Variants in PLA2G1B observed in about 807,000 individuals in gnomAD.
PLA2G1B encodes phospholipase A2.
In PLA2G1B, 12 loss-of-function variants were observed where a neutral mutation model predicts 12.5. That is an observed-to-expected ratio of 0.96 (90% CI 0.62 to 1.56). The LOEUF (loss-of-function observed/expected upper bound fraction) is 1.56. Among genes scored for constraint, PLA2G1B ranks in the 40% most tolerant of loss-of-function variants. The probability of loss-of-function intolerance (pLI) is 0.00; values close to 1 mark genes in which losing one functional copy is unlikely to be tolerated. For synonymous variants in PLA2G1B, 81 were observed against 73.4 expected (o/e 1.10, Z -0.53); for missense variants, 189 against 186.7 (o/e 1.01, Z -0.07).
At chr12:120,326,093 C>T (rs1206498749) in intron 1 of PLA2G1B, 73 bp from the exon 2 acceptor site, 4 of 1,524,412 alleles carry the variant, frequency 2.6e-6, no homozygotes, top group Non-Finnish European at 3.6e-6. Flanking sequence ...CCTGCTCCCT[C>T]GGGTCCCACG....
Position 120,322,919 on chromosome 12 carries a change from A to G in PLA2G1B, c.323-602T>C, listed in dbSNP as rs143534801. ...CTACTTTAAAGCATGTATTTTAAAA[A>G]TTATGGAACATCCTTAAATGGAATA... On this transcript the variant is annotated intron_variant, in intron 3 of 3. Transcript: ENST00000308366. Among the ~76,000 whole-genome samples, 3 of 152,292 alleles carry G rather than the reference A, an allele frequency of 2.0e-5. No individual in the cohort carries two copies. The East Asian group carries it at 5.8e-4, about 29-fold the overall frequency.
Position 120,322,257 on chromosome 12 carries a change from A to G in PLA2G1B, c.383T>C (p.Phe128Ser). 6.2e-7 allele frequency: 1 copy of G among 1,614,072 alleles called. No individual in the cohort carries two copies. The highest frequency in any genetic ancestry group is 8.5e-7 in the Non-Finnish European group (1 of 1,179,958). The change falls in exon 4 of 4, where the codon TTT (phenylalanine) becomes TCT (serine). Residue 128 changes from phenylalanine to serine, a missense_variant. Transcript: ENST00000308366. ...CNCDRNAAIC[F>S]SKAPYNKAHK... ...TGCCTTGTTATATGGAGCTTTTGAA[A>G]AGCAGATGGCAGCGTTGCGGTCGCA... is the stretch of plus-strand genomic sequence containing the variant.
intron 3 of PLA2G1B, 55 bp downstream of exon 3, chr12:120,324,879 C>T: frequency 6.3e-7 from 1 of 1,587,036 alleles, no homozygotes; most frequent in Non-Finnish European, 8.6e-7. Flanking sequence ...ATTATTTCCC[C>T]CCGGCCTACT....
intron 3 of PLA2G1B, among the ~76,000 whole-genome samples, chr12:120,323,985 G>A (rs948905043): frequency 6.6e-6 from 1 of 152,106 alleles, no homozygotes; most frequent in Non-Finnish European, 1.5e-5. Context: ...GTCAGACACT[G>A]CTCTAGATCT....
intron 2 of PLA2G1B, 27 bp from the exon 3 acceptor site, chr12:120,325,088 T>C (rs1873314402): frequency 6.8e-6 from 11 of 1,613,424 alleles, no homozygotes; most frequent in Non-Finnish European, 8.5e-6. Flanking sequence ...ACAGCTGAGA[T>C]AGGAGTAAGT....
intron 1 of PLA2G1B, 153 bp from the exon 2 acceptor site, chr12:120,326,173 G>T: frequency 1.9e-6 from 1 of 513,546 alleles, no homozygotes; most frequent in Non-Finnish European, 3.2e-6. Context: ...TAAAGTGAAA[G>T]TGGGTAGAGG....
chr12:120,327,591 G>T, intron 1 of PLA2G1B, 129 bp downstream of exon 1: 2 of 904,224 alleles, frequency 2.2e-6, no homozygotes, highest in Non-Finnish European at 3.7e-6. Flanking sequence ...AGCCCCACTG[G>T]GAACCTCGAA....
chr12:120,325,805 G>A, intron 2 of PLA2G1B, 56 bp downstream of exon 2: 1 of 1,558,380 alleles, frequency 6.4e-7, no homozygotes, highest in Non-Finnish European at 8.8e-7. Flanking sequence ...TCCTTGGCGT[G>A]TGCCCCACCC....
chr12:120,327,544 T>A (rs1481288375), intron 1 of PLA2G1B, among the ~76,000 whole-genome samples, 176 bp downstream of exon 1: 1 of 152,188 alleles, frequency 6.6e-6, no homozygotes, highest in Non-Finnish European at 1.5e-5. Context: ...GTTGAAAAAG[T>A]GCCAGCCTTG....
chr12:120,327,642 G>A, intron 1 of PLA2G1B, 78 bp downstream of exon 1: 1 of 1,388,300 alleles, frequency 7.2e-7, no homozygotes, highest in South Asian at 1.2e-5. Context: ...GCTGTGGCCT[G>A]TGGCCCCCAT....
intron 3 of PLA2G1B, among the ~76,000 whole-genome samples, chr12:120,324,544 C>T (rs1413883964): frequency 2.0e-5 from 3 of 151,944 alleles, no homozygotes; most frequent in South Asian, 4.1e-4. Flanking sequence ...GGTGCACGCT[C>T]GTAGTCCCAG....
Position 120,326,009 on chromosome 12 carries a change from C to A in PLA2G1B, c.46G>T (p.Asp16Tyr). ...LAVLLTVAAA[D>Y]SGISPRAVWQ... ...ACGGCCCGAGGGCTGATGCCGCTGT[C>A]GGCGGCGGCCACTGCAAGAAGACAT... Residue 16 changes from aspartate to tyrosine, a missense_variant, in exon 2 of 4, where the codon GAC becomes TAC. Coordinates refer to ENST00000308366, the MANE Select transcript of PLA2G1B (RefSeq NM_000928.3). The A allele has an allele frequency of 6.2e-7, 1 of 1,613,854 alleles. No homozygotes were observed. Among genetic ancestry groups the A allele is most frequent in the African/African-American group, 1.3e-5 (1 of 75,020 alleles).
chr12:120,324,842 TA>T, intron 3 of PLA2G1B, 91 bp downstream of exon 3: 1 of 1,359,910 alleles, frequency 7.4e-7, no homozygotes, highest in Non-Finnish European at 1.0e-6. Context: ...CCAAGAAAAT[TA>T]ACACTAAATC....
At chr12:120,327,396 G>A (rs1409209350) in intron 1 of PLA2G1B, among the ~76,000 whole-genome samples, 1 of 152,126 alleles carries the variant, frequency 6.6e-6, no homozygotes, top group Non-Finnish European at 1.5e-5. Flanking sequence ...GATCACTTGA[G>A]CCCACGAGTT....
In PLA2G1B at chr12:120,324,933, C is replaced by T. The variant is rs771623266; in HGVS notation, c.322+1G>A. 9.9e-6 allele frequency: 16 copies of T among 1,613,970 alleles called. No homozygotes were observed. The highest frequency in any genetic ancestry group is 1.3e-5 in the Non-Finnish European group (15 of 1,179,972). ...ATAGGTCAAGGAAGGGATAAACCTA[C>T]TGCTACAGGTGATTGCCGAGCCAGA... is the stretch of plus-strand genomic sequence containing the variant. On this transcript the variant is annotated splice_donor_variant, in intron 3 of 3. Coordinates refer to ENST00000308366, the MANE Select transcript of PLA2G1B (RefSeq NM_000928.3). LOFTEE classifies it high-confidence loss of function.
At chr12:120,323,095 G>T (rs1873269397) in intron 3 of PLA2G1B, among the ~76,000 whole-genome samples, 1 of 152,102 alleles carries the variant, frequency 6.6e-6, no homozygotes, top group Non-Finnish European at 1.5e-5. Context: ...TTCCATAATA[G>T]ATATTTATGT....
At chr12:120,327,588 C>A in intron 1 of PLA2G1B, 132 bp downstream of exon 1, 1 of 889,042 alleles carries the variant, frequency 1.1e-6, no homozygotes, top group Non-Finnish European at 1.9e-6. Context: ...TTAAGCCCCA[C>A]TGGGAACCTC....
In PLA2G1B at chr12:120,325,934, A is replaced by C. The variant is rs748250509; in HGVS notation, c.121T>G (p.Phe41Val). The change falls in exon 2 of 4, where the codon TTC becomes GTC. Residue 41 changes from phenylalanine (F) to valine (V), a missense_variant. Phe to Val is a conservative substitution (Grantham distance 50). Coordinates refer to ENST00000308366, the MANE Select transcript of PLA2G1B (RefSeq NM_000928.3). ...CAGCCGTAGTTGTTGTATTCCAAGA[A>C]GGGGTCACTCCCCGGGATCACGCAC... is the stretch of plus-strand genomic sequence containing the variant. ...IKCVIPGSDPFLEYNNYGCYC... is the reference protein window; with the variant it reads ...IKCVIPGSDPVLEYNNYGCYC... The C allele has an allele frequency of 3.0e-5, 49 of 1,614,034 alleles. No homozygotes were observed. Among genetic ancestry groups the C allele is most frequent in the Admixed American group, 1.0e-4 (6 of 60,000 alleles).
rs745394019 is a variant in PLA2G1B, at chr12:120,322,304, C to A, written c.336G>T (p.Glu112Asp). The A allele has an allele frequency of 6.2e-7, 1 of 1,613,982 alleles. No homozygotes were observed. Among genetic ancestry groups the A allele is most frequent in the Non-Finnish European group, 8.5e-7 (1 of 1,179,952 alleles). ...CGCAGTTGCAAATGAAGGCCTCACA[C>A]TCTTTGTTTTTGCCTGGAGAGGGAT... is the stretch of plus-strand genomic sequence containing the variant. ...SAITCSSKNK[E>D]CEAFICNCDR... The change falls in exon 4 of 4, where the codon GAG becomes GAT. Residue 112 changes from glutamate (E) to aspartate (D), a missense_variant. Transcript: ENST00000308366.
Sources: gnomAD v4.1 joint callset for allele counts (sites outside exome capture counted in the v4.1 genomes callset) on GRCh38, gnomAD v4.1.1 for gene constraint, MANE v1.5 for transcripts, NCBI Gene and HGNC (gene_info 2026-07-23, HGNC 2026-07-21) for gene names.